STRADB: variants seen among roughly 807,000 people sequenced by gnomAD.
The protein encoded by STRADB is STE20 related adaptor beta, also known as STE20-related kinase adapter protein beta.
STRADB carries 34 observed loss-of-function variants against 52.1 expected under a neutral mutation model. That is an observed-to-expected ratio of 0.65 (90% CI 0.50 to 0.87). The LOEUF (loss-of-function observed/expected upper bound fraction) is 0.87. Among genes scored for constraint, STRADB ranks in the 40% least tolerant of loss-of-function variants. STRADB has a pLI of 0.00. For synonymous variants in STRADB, 133 were observed against 174.5 expected (o/e 0.76, Z 1.87); for missense variants, 340 against 483.9 (o/e 0.70, Z 2.79).
At chr2:201,467,714 C>T (rs1389330761) in intron 3 of STRADB, among the ~76,000 whole-genome samples, 1 of 152,208 alleles carries the variant, frequency 6.6e-6, no homozygotes, top group Non-Finnish European at 1.5e-5. Flanking sequence ...TTGGCCTTCT[C>T]TAGGCATCAC....
intron 4 of STRADB, among the ~76,000 whole-genome samples, chr2:201,471,818 CA>C (rs1182875326): frequency 1.3e-5 from 2 of 152,150 alleles, no homozygotes; most frequent in African/African-American, 2.4e-5. Context: ...AGGGCCAAGG[CA>C]GAGGCATTTT....
chr2:201,470,954 G>C lies in STRADB; in HGVS notation c.193+902G>C, dbSNP rs534102356. Reference sequence around the variant, plus strand: ...AAGAGAAGCTGCATGACAAGGACCAGGACTGTGGAATAGGAGCAGCCTAGT... The same window carrying C: ...AAGAGAAGCTGCATGACAAGGACCACGACTGTGGAATAGGAGCAGCCTAGT... On this transcript the variant is annotated intron_variant, in intron 4 of 11. Transcript: ENST00000194530. 9.1e-4 allele frequency among the ~76,000 whole-genome samples: 139 copies of C among 152,324 alleles called. 1 individual carries two copies. The highest frequency in any genetic ancestry group is 8.3e-4 in the South Asian group (4 of 4,828).
At chr2:201,459,959 C>G (rs1952188686) in intron 3 of STRADB, among the ~76,000 whole-genome samples, 2 of 152,112 alleles carry the variant, frequency 1.3e-5, no homozygotes, top group African/African-American at 2.4e-5. Context: ...TGGTTCTGCT[C>G]CCGTGTATCT....
intron 3 of STRADB, among the ~76,000 whole-genome samples, chr2:201,464,174 C>T (rs1461648837): frequency 6.6e-6 from 1 of 152,094 alleles, no homozygotes; most frequent in Non-Finnish European, 1.5e-5. Flanking sequence ...TGAAGAGTTA[C>T]GTATTTATCA....
intron 10 of STRADB, among the ~76,000 whole-genome samples, 199 bp downstream of exon 10, chr2:201,478,800 G>A (rs949147900): frequency 2.6e-5 from 4 of 152,004 alleles, no homozygotes; most frequent in Non-Finnish European, 5.9e-5. Flanking sequence ...GAGGCTGGGT[G>A]CGGTGGCTCA....
chr2:201,478,633 T>G (rs774049343), intron 10 of STRADB, 32 bp downstream of exon 10: 7 of 1,599,916 alleles, frequency 4.4e-6, no homozygotes, highest in Admixed American at 1.7e-5. Flanking sequence ...TAGCACAAAA[T>G]GTACATGTTT....
chr2:201,468,126 A>G (rs1952334722), intron 3 of STRADB, among the ~76,000 whole-genome samples: 1 of 112,280 alleles, frequency 8.9e-6, no homozygotes, highest in Non-Finnish European at 1.8e-5. Context: ...AGCTATGCCC[A>G]ACAATGCATG....
chr2:201,455,366 CATAATAATAATATTTGA>C (rs1051551817), intron 2 of STRADB, among the ~76,000 whole-genome samples: 4 of 152,044 alleles, frequency 2.6e-5, no homozygotes, highest in African/African-American at 9.7e-5. Context: ...CTGTTTTATA[CATAATAATAATATTTGA>C]ATAGGGAATA....
At chr2:201,463,715 G>A (rs2540443) in intron 3 of STRADB, among the ~76,000 whole-genome samples, 145,288 of 152,224 alleles carry the variant, frequency 0.95, 69,449 homozygotes, top group East Asian at 0.99. Flanking sequence ...CTTCAATGCC[G>A]ATAAATCTTA....
At chr2:201,458,937 GA>G in intron 3 of STRADB, 73 bp downstream of exon 3, 1 of 1,352,108 alleles carries the variant, frequency 7.4e-7, no homozygotes, top group South Asian at 1.2e-5. Context: ...CAAGGCAGGA[GA>G]ATCACTTGAG....
rs1419878077 is a variant in STRADB, at chr2:201,475,713, C to G, written c.519C>G (p.Asn173Lys). 5 of 1,611,366 alleles carry G rather than the reference C, an allele frequency of 3.1e-6. No homozygotes were observed. Among genetic ancestry groups the G allele is most frequent in the Non-Finnish European group, 4.2e-6 (5 of 1,179,582 alleles). Reference sequence around the variant, plus strand: ...TCTTTGGAGCCGTGAGAGGGTTGAACTATCTGCACCAAAATGGCTGTATTC... The same window carrying G: ...TCTTTGGAGCCGTGAGAGGGTTGAAGTATCTGCACCAAAATGGCTGTATTC... The part of the protein sequence containing the change: ...NILFGAVRGL[N>K]YLHQNGCIHR... Residue 173 changes from asparagine (N) to lysine (K), a missense_variant, in exon 7 of 12, where the codon AAC becomes AAG. Coordinates refer to ENST00000194530, the MANE Select transcript of STRADB (RefSeq NM_018571.6).
intron 2 of STRADB, among the ~76,000 whole-genome samples, chr2:201,455,695 T>TC (rs1278116290): frequency 1.3e-5 from 2 of 150,594 alleles, no homozygotes; most frequent in Non-Finnish European, 3.0e-5. Context: ...TAGAGGGAGA[T>TC]CCTGTCTCAA....
intron 1 of STRADB, among the ~76,000 whole-genome samples, chr2:201,452,225 G>T (rs1459157333): frequency 6.6e-6 from 1 of 151,906 alleles, no homozygotes; most frequent in African/African-American, 2.4e-5. Context: ...TGCCAGGTGC[G>T]CGGGGCCCAG....
At position 201,474,689 on chromosome 2, in the gene STRADB, A is replaced by T. The variant is rs1952444738; in HGVS notation, c.358A>T (p.Thr120Ser). Residue 120 changes from threonine (T) to serine (S), a missense_variant, in exon 6 of 12, where the codon ACA (threonine) becomes TCA (serine). Physicochemically the swap from Thr to Ser is moderately conservative, Grantham distance 58. Coordinates refer to ENST00000194530, the MANE Select transcript of STRADB (RefSeq NM_018571.6). ...LSHFFRHPNI[T>S]TYWTVFTVGS... ...CCACTTTTTCCGGCATCCCAATATT[A>T]CAACTTATTGGACAGTTTTCACTGT... 6.2e-7 allele frequency: 1 copy of T among 1,612,466 alleles called. No individual in the cohort carries two copies.
chr2:201,455,415 T>A (rs952130530), intron 2 of STRADB, among the ~76,000 whole-genome samples: 2 of 120,754 alleles, frequency 1.7e-5, no homozygotes, highest in African/African-American at 5.4e-5. Flanking sequence ...ATGTGGTTTT[T>A]AAAAAAGTAA....
At position 201,477,661 on chromosome 2, in the gene STRADB, A is replaced by G. The variant is rs146287347; in HGVS notation, c.591A>G (p.Leu197=). ...ASHILISGDG[L]VTLSGLSHLH... ...ATATCCTCATTTCTGGTGATGGCCT[A>G]GTGACCCTCTCTGGCCTGTCCCATC... The change falls in exon 8 of 12, where the codon CTA becomes CTG. Residue 197 remains leucine, a synonymous_variant. Transcript: ENST00000194530. 8.1e-6 allele frequency: 13 copies of G among 1,610,854 alleles called. No individual in the cohort carries two copies. In the African/African-American group the frequency reaches 1.7e-4, roughly 22 times the overall value.
intron 3 of STRADB, among the ~76,000 whole-genome samples, chr2:201,468,201 CAG>C (rs2125678105): frequency 7.0e-6 from 1 of 143,418 alleles, no homozygotes; most frequent in South Asian, 2.3e-4. Flanking sequence ...AAAAGTTTAA[CAG>C]AGCAAAGGCA....
intron 7 of STRADB, 150 bp downstream of exon 7, chr2:201,475,892 T>TG (rs1465798517): frequency 1.2e-6 from 1 of 806,464 alleles, no homozygotes; most frequent in Non-Finnish European, 1.9e-6. Flanking sequence ...TTAGGTGCAG[T>TG]GGATTGCTTA....
At chr2:201,474,622 C>T (rs759204110) in intron 5 of STRADB, 25 bp from the exon 6 acceptor site, 2 of 1,587,604 alleles carry the variant, frequency 1.3e-6, no homozygotes, top group South Asian at 1.1e-5. Context: ...TTTTAAATGT[C>T]TTGTCTCTTG....
Sources: allele counts gnomAD v4.1 joint callset (sites outside exome capture counted in the v4.1 genomes callset), GRCh38; gene constraint gnomAD v4.1.1; transcripts MANE v1.5; gene names NCBI Gene and HGNC (gene_info 2026-07-23, HGNC 2026-07-21).